The following VWF variants were observed in gnomAD, a reference collection of about 807,000 sequenced individuals.
The protein encoded by VWF is Factor VIII related antigen.
In VWF, 176 loss-of-function variants were observed where a neutral mutation model predicts 308.6. That is an observed-to-expected ratio of 0.57 (90% CI 0.50 to 0.65). The LOEUF (loss-of-function observed/expected upper bound fraction) is 0.65. VWF is among the 30% of genes least tolerant of loss of function. VWF has a pLI of 0.00. For synonymous variants in VWF, 1,385 were observed against 1,443.4 expected (o/e 0.96, Z 0.92); for missense variants, 3,146 against 3,648.2 (o/e 0.86, Z 3.55).
rs1002730340 is a variant in VWF at position 5,976,400 on chromosome 12, A to C, written c.7288-140T>G. 4.6e-6 allele frequency: 5 copies of C among 1,079,738 alleles called. No homozygotes were observed. The Admixed American group carries it at 8.0e-5, about 17-fold the overall frequency. 66.9% of individuals were successfully genotyped at this position (1,079,738 alleles called of 1,614,324 possible). Reference sequence around the variant, plus strand: ...CCAAATGTGGTCTCCGCCCATATGCAGGGCTGCTTATAAAGCAGATTTCGT... The same window carrying C: ...CCAAATGTGGTCTCCGCCCATATGCCGGGCTGCTTATAAAGCAGATTTCGT... On this transcript the variant is annotated intron_variant, in intron 42 of 51. Transcript: ENST00000261405.
In VWF at chr12:6,029,427, T is replaced by G; in HGVS notation, c.2882A>C (p.Tyr961Ser). 6.2e-7 allele frequency: 1 copy of G among 1,614,108 alleles called. No homozygotes were observed. Among genetic ancestry groups the G allele is most frequent in the African/African-American group, 1.3e-5 (1 of 75,014 alleles). Residue 961 changes from tyrosine to serine, a missense_variant, in exon 22 of 52, where the codon TAC (tyrosine) becomes TCC (serine). Tyr to Ser is a moderately radical substitution (Grantham distance 144). Transcript: ENST00000261405. ...GGCTTTGCCCAGCAGCAGAATGATG[T>G]ACCGGCCAGACTCCACCACCTCAAA... ...THFEVVESGR[Y>S]IILLLGKALS...
At chr12:5,983,420 T>TAGATAGATAGATAGAC in intron 40 of VWF, among the ~76,000 whole-genome samples, 166 bp from the exon 41 acceptor site, 1 of 151,874 alleles carries the variant, frequency 6.6e-6, no homozygotes. Flanking sequence ...GATAGATAGA[T>TAGATAGATAGATAGAC]AGATAGATAG....
Position 6,056,974 on chromosome 12 carries a change from A to G in VWF, c.1828T>C (p.Tyr610His). The change falls in exon 15 of 52, where the codon TAC becomes CAC. Residue 610 changes from tyrosine to histidine, a missense_variant. Around this residue, in one of 3 missense-constraint regions of VWF, gnomAD observed 1,304 missense variants for 1,353.0 expected, o/e 0.96. Coordinates refer to ENST00000261405, the MANE Select transcript of VWF (RefSeq NM_000552.5). ...CCGTCCGAGCAGGAGCACACGTCGT[A>G]GCGGCAGTTCCGCAGGTAGGGCAGC... Reference protein sequence around the residue: ...SPLPYLRNCRYDVCSCSDGRE... With the variant: ...SPLPYLRNCRHDVCSCSDGRE... 1.9e-6 allele frequency: 3 copies of G among 1,543,114 alleles called. No individual in the cohort carries two copies. The highest frequency in any genetic ancestry group is 1.7e-6 in the Non-Finnish European group (2 of 1,149,044).
rs1169881617 is a variant in VWF at position 6,075,506 on chromosome 12, C to T, written c.703G>A (p.Ala235Thr). The T allele has an allele frequency of 3.1e-6, 5 of 1,614,106 alleles. No individual in the cohort carries two copies. The highest frequency in any genetic ancestry group is 4.2e-6 in the Non-Finnish European group (5 of 1,180,042). The change falls in exon 7 of 52, where the codon GCC (alanine) becomes ACC (threonine). Residue 235 changes from alanine (A) to threonine (T), a missense_variant. This residue lies in a region of VWF where 1,304 missense variants were observed against 1,353.0 expected (regional missense o/e 0.96). Transcript: ENST00000261405. The surrounding 1 kb of genome is among the most constrained non-coding windows in gnomAD (Gnocchi z 4.7). ...CQLLKSTSVF[A>T]RCHPLVDPEP... ...GGGTCCACCAGAGGGTGGCAGCGGG[C>T]AAACACCGAGGTGCTCTTCAGAAGC...
intron 38 of VWF, among the ~76,000 whole-genome samples, chr12:5,987,041 C>G (rs1365761671): frequency 6.6e-6 from 1 of 152,216 alleles, no homozygotes; most frequent in African/African-American, 2.4e-5. Context: ...GATTCTCCTG[C>G]CTCAGCCTCC....
intron 47 of VWF, among the ~76,000 whole-genome samples, chr12:5,966,061 G>C (rs1396424094): frequency 6.6e-6 from 1 of 152,170 alleles, no homozygotes; most frequent in Admixed American, 6.5e-5. Context: ...GAACACCAGA[G>C]GGCACTGCAG....
In VWF at chr12:6,023,703, T is replaced by A; in HGVS notation, c.3307A>T (p.Thr1103Ser). The change falls in exon 25 of 52, where the codon ACC becomes TCC. Residue 1103 changes from threonine to serine, a missense_variant. This residue lies in a region of VWF where 853 missense variants were observed against 1,177.8 expected (regional missense o/e 0.72). Transcript: ENST00000261405. Reference protein sequence around the residue: ...SIGDCACFCDTIAAYAHVCAQ... With the variant: ...SIGDCACFCDSIAAYAHVCAQ... Reference sequence around the variant, plus strand: ...CACACGTGGGCATAGGCAGCAATGGTGTCGCAGAAGCAGGCGCAGTCCCCA... The same window carrying A: ...CACACGTGGGCATAGGCAGCAATGGAGTCGCAGAAGCAGGCGCAGTCCCCA... The A allele has an allele frequency of 6.2e-7, 1 of 1,613,882 alleles. No homozygotes were observed. The highest frequency in any genetic ancestry group is 1.1e-5 in the South Asian group (1 of 90,932).
rs557467018 is a variant in VWF at position 6,089,311 on chromosome 12, C to T, written c.657+6149G>A. Among the ~76,000 whole-genome samples the T allele has an allele frequency of 4.6e-5, 7 of 152,364 alleles. No individual in the cohort carries two copies. The South Asian group carries it at 1.4e-3, about 32-fold the overall frequency. ...TGAGGACAAAGCAGTCTTCTCTTCT[C>T]AGGTAAACAACCTGAAACCGGGAGT... On this transcript the variant is annotated intron_variant, in intron 6 of 51. Coordinates refer to ENST00000261405, the MANE Select transcript of VWF (RefSeq NM_000552.5).
chr12:5,953,623 T>G (rs367716613), intron 47 of VWF, 29 bp from the exon 48 acceptor site: 1 of 1,581,544 alleles, frequency 6.3e-7, no homozygotes, highest in African/African-American at 1.3e-5. Context: ...AAAGCAGCCA[T>G]AGTTAACCTC....
intron 42 of VWF, 61 bp downstream of exon 42, chr12:5,981,725 T>C: frequency 3.2e-6 from 5 of 1,563,608 alleles, no homozygotes; most frequent in Non-Finnish European, 4.4e-6. Context: ...AAGGATAAAC[T>C]GACAGCAATA....
In VWF at chr12:5,969,362, G is replaced by A; in HGVS notation, c.7578C>T (p.Asn2526=). 6.2e-7 allele frequency: 1 copy of A among 1,614,236 alleles called. No homozygotes were observed. Among genetic ancestry groups the A allele is most frequent in the Non-Finnish European group, 8.5e-7 (1 of 1,180,040 alleles). ...GGACACACTCATTGATGAGGCAGGG[G>A]TTCTCCGGGGAGGCCCACTGGGAGC... ...SVGSQWASPE[N]PCLINECVRV... Residue 2526 remains asparagine (N), a synonymous_variant, in exon 45 of 52, where the codon AAC becomes AAT. Coordinates refer to ENST00000261405, the MANE Select transcript of VWF (RefSeq NM_000552.5).
At chr12:6,006,709 G>A (rs1197152806) in intron 34 of VWF, among the ~76,000 whole-genome samples, 1 of 152,136 alleles carries the variant, frequency 6.6e-6, no homozygotes, top group Non-Finnish European at 1.5e-5. Flanking sequence ...AACCCGGGAG[G>A]CAGAGGTTGC....
At chr12:5,993,401 G>A (rs946922587) in intron 37 of VWF, among the ~76,000 whole-genome samples, 21 of 152,090 alleles carry the variant, frequency 1.4e-4, no homozygotes, top group African/African-American at 4.8e-4. Context: ...GATTCTACTT[G>A]CACTTCAAAA....
At chr12:5,976,089 G>A (rs747477124) in intron 43 of VWF, 22 bp downstream of exon 43, 4 of 1,613,108 alleles carry the variant, frequency 2.5e-6, no homozygotes, top group Middle Eastern at 1.8e-4. Flanking sequence ...CTGCAGGCAT[G>A]CCCAGCCCCT....
intron 17 of VWF, 33 bp from the exon 18 acceptor site, chr12:6,044,484 T>A: frequency 1.2e-6 from 2 of 1,610,056 alleles, no homozygotes; most frequent in African/African-American, 1.3e-5. Context: ...AGATGATTAG[T>A]GAAGGAGAGA....
At chr12:6,051,273 G>T (rs1944506103) in intron 16 of VWF, among the ~76,000 whole-genome samples, 1 of 140,812 alleles carries the variant, frequency 7.1e-6, no homozygotes, top group Admixed American at 8.0e-5. Flanking sequence ...CCATAATCAG[G>T]ACTTCTTTTT....
chr12:6,064,239 A>G lies in VWF; in HGVS notation c.1432+7T>C, dbSNP rs1406451093. On this transcript the variant is annotated splice_region_variant and intron_variant, in intron 12 of 51. Coordinates refer to ENST00000261405, the MANE Select transcript of VWF (RefSeq NM_000552.5). ...CCCCAGGCCTGATGGAGCAGGACGA[A>G]GCATACCTTTCAGGAGGGGGAGCTG... The G allele has an allele frequency of 1.2e-6, 2 of 1,614,018 alleles. No individual in the cohort carries two copies. The highest frequency in any genetic ancestry group is 2.2e-5 in the East Asian group (1 of 44,886).
rs1943999581 is a variant in VWF, at chr12:6,011,910, C to T, written c.5665-116G>A. 16 of 1,247,768 alleles carry T rather than the reference C, an allele frequency of 1.3e-5. No homozygotes were observed. The Admixed American group carries it at 2.6e-4, about 20-fold the overall frequency. The allele number at this position is 1,247,768 out of a possible 1,614,324, so 77.3% of individuals were successfully genotyped here. On this transcript the variant is annotated intron_variant, in intron 33 of 51. Transcript: ENST00000261405. ...AACACAGGCCTACACAGCAAGGAGG[C>T]CCCCTGTACATGAGACAGGAAGCAA...
Position 6,029,457 on chromosome 12 carries a change from G to T in VWF, c.2852C>A (p.Thr951Asn). 1 of 1,614,170 alleles carries T rather than the reference G, an allele frequency of 6.2e-7. No individual in the cohort carries two copies. The highest frequency in any genetic ancestry group is 8.5e-7 in the Non-Finnish European group (1 of 1,180,022). The change falls in exon 22 of 52, where the codon ACT (threonine) becomes AAT (asparagine). Residue 951 changes from threonine to asparagine, a missense_variant. Physicochemically the swap from Thr to Asn is moderately conservative, Grantham distance 65. This residue lies in a region of VWF where 1,304 missense variants were observed against 1,353.0 expected (regional missense o/e 0.96). Coordinates refer to ENST00000261405, the MANE Select transcript of VWF (RefSeq NM_000552.5). ...VNVKRPMKDE[T>N]HFEVVESGRY... ...GCCAGACTCCACCACCTCAAAGTGA[G>T]TCTCATCCTTCATGGGCCTCTTCAC...
Sources: gnomAD v4.1 joint callset for allele counts (sites outside exome capture counted in the v4.1 genomes callset) on GRCh38, gnomAD v4.1.1 for gene constraint, gnomAD v4.1.1 regional missense constraint, Gnocchi (gnomAD v3.1) non-coding constraint, MANE v1.5 for transcripts, NCBI Gene and HGNC (gene_info 2026-07-23, HGNC 2026-07-21) for gene names.